Variants in ADRA1A observed in about 807,000 individuals in gnomAD.
ADRA1A encodes alpha-1A adrenergic receptor.
A neutral mutation model predicts 29.6 loss-of-function variants in ADRA1A; 31 were observed. The ratio of observed to expected loss-of-function variants is 1.05; its 90% CI spans 0.79 to 1.41. ADRA1A has a LOEUF of 1.41. Ranked by LOEUF, ADRA1A falls within the 40% of genes most tolerant of loss-of-function variation. The probability of loss-of-function intolerance (pLI) is 0.00; values close to 1 mark genes in which losing one functional copy is unlikely to be tolerated. For missense variants in ADRA1A, 619 were observed against 601.1 expected (o/e 1.03, Z -0.31); for synonymous variants, 311 against 254.3 (o/e 1.22, Z -2.12).
chr8:26,832,282 A>G (rs778620773), intron 2 of ADRA1A, among the ~76,000 whole-genome samples: 5 of 152,178 alleles, frequency 3.3e-5, no homozygotes, highest in Admixed American at 6.5e-5. Flanking sequence ...ACCTGGCAAC[A>G]TCGTTAAAAT....
At chr8:26,791,957 T>A (rs931861750) in intron 2 of ADRA1A, among the ~76,000 whole-genome samples, 8 of 152,200 alleles carry the variant, frequency 5.3e-5, no homozygotes, top group Admixed American at 5.2e-4. Flanking sequence ...ATTTCTTTAA[T>A]GGCTCTTGTC....
downstream of ADRA1A, among the ~76,000 whole-genome samples, chr8:26,760,894 A>T (rs1805473166): frequency 6.6e-6 from 1 of 152,194 alleles, no homozygotes; most frequent in Non-Finnish European, 1.5e-5. Context: ...AGGGTCATCA[A>T]CTTGAGCCTT....
chr8:26,799,489 T>C (rs1456534128), intron 2 of ADRA1A, among the ~76,000 whole-genome samples: 1 of 152,230 alleles, frequency 6.6e-6, no homozygotes, highest in East Asian at 1.9e-4. Flanking sequence ...TTTGAATCTG[T>C]GGTCAAATAT....
At position 26,860,011 on chromosome 8, in the gene ADRA1A, G is replaced by T. The variant is rs1354556528; in HGVS notation, c.883+4076C>A. On this transcript the variant is annotated intron_variant, in intron 2 of 2. Coordinates refer to ENST00000380573, the MANE Select transcript of ADRA1A (RefSeq NM_000680.4). The surrounding 1 kb of genome is among the most constrained non-coding windows in gnomAD (Gnocchi z 4.7). ...TCGAACTCCTGACCTCAAGTGATCC[G>T]CCTGCTCAGCCTCCCAAAGTGCTGG... is the stretch of plus-strand genomic sequence containing the variant. Among the ~76,000 whole-genome samples the T allele has an allele frequency of 1.3e-5, 2 of 151,858 alleles. No individual in the cohort carries two copies. Among genetic ancestry groups the T allele is most frequent in the Non-Finnish European group, 2.9e-5 (2 of 67,950 alleles).
chr8:26,756,910 A>G, intron 2 of ADRA1A: 8 of 1,408,942 alleles, frequency 5.7e-6, no homozygotes, highest in Non-Finnish European at 7.6e-6. Context: ...CAATGTGTCC[A>G]TTTTTCCAAG....
chr8:26,775,266 G>A lies in ADRA1A; in HGVS notation c.884-4600C>T, dbSNP rs192935510. ...TCTTGCCATGGTTCTTCTTCACAGT[G>A]TGGCTTGGTTTTCTTTTCTGCGTGA... is the stretch of plus-strand genomic sequence containing the variant. On this transcript the variant is annotated intron_variant, in intron 2 of 2. Coordinates refer to ENST00000380573, the MANE Select transcript of ADRA1A (RefSeq NM_000680.4). The surrounding 1 kb of genome is among the most constrained non-coding windows in gnomAD (Gnocchi z 4.1). Among the ~76,000 whole-genome samples, 59 of 152,292 alleles carry A rather than the reference G, an allele frequency of 3.9e-4. No homozygotes were observed. Among genetic ancestry groups the A allele is most frequent in the African/African-American group, 1.2e-3 (50 of 41,576 alleles).
Position 26,825,536 on chromosome 8 carries a change from T to C in ADRA1A, c.883+38551A>G, listed in dbSNP as rs933523754. On this transcript the variant is annotated intron_variant, in intron 2 of 2. Transcript: ENST00000380573. This position sits in a 1 kb window ranked among gnomAD's most constrained non-coding sequence, Gnocchi z 5.7. ...GCCATATTACCCCAACTTCTAGTTGTCAGCTATCCTTGTCAAAATTTCCTA... is the reference window on the plus strand; with the variant it reads ...GCCATATTACCCCAACTTCTAGTTGCCAGCTATCCTTGTCAAAATTTCCTA... 1.2e-4 allele frequency among the ~76,000 whole-genome samples: 18 copies of C among 152,322 alleles called. No homozygotes were observed. The highest frequency in any genetic ancestry group is 4.3e-4 in the African/African-American group (18 of 41,582).
chr8:26,864,065 G>A lies in ADRA1A; in HGVS notation c.883+22C>T. The stretch of plus-strand genomic sequence containing the variant: ...AGGGTGAAGACCCCCAGATGCTAAA[G>A]TGAGGGGTGTTCAAGACTTACCAAT... On this transcript the variant is annotated intron_variant, in intron 2 of 2. Transcript: ENST00000380573. This position sits in a 1 kb window ranked among gnomAD's most constrained non-coding sequence, Gnocchi z 8.1. 6.3e-7 allele frequency: 1 copy of A among 1,599,092 alleles called. No homozygotes were observed.
intron 2 of ADRA1A, among the ~76,000 whole-genome samples, chr8:26,850,012 T>C (rs1202359926): frequency 3.9e-5 from 1 of 25,908 alleles, no homozygotes; most frequent in Non-Finnish European, 8.6e-5. Flanking sequence ...AAGTGACTAA[T>C]GAGAGAGAAA....
rs752120868 is a variant in ADRA1A at position 26,864,814 on chromosome 8, G to C, written c.156C>G (p.Ala52=). Residue 52 remains alanine, a synonymous_variant, in exon 2 of 3, where the codon GCC becomes GCG. Coordinates refer to ENST00000380573, the MANE Select transcript of ADRA1A (RefSeq NM_000680.4). The surrounding 1 kb of genome is among the most constrained non-coding windows in gnomAD (Gnocchi z 8.1). ...TGACTGAGTGCAGGTGTCGGTGACAGGCTACGGAGAGGATCACTAGGATGT... is the reference window on the plus strand; with the variant it reads ...TGACTGAGTGCAGGTGTCGGTGACACGCTACGGAGAGGATCACTAGGATGT... ...LGNILVILSV[A]CHRHLHSVTH... The C allele has an allele frequency of 1.6e-5, 26 of 1,614,176 alleles. No individual in the cohort carries two copies. Among genetic ancestry groups the C allele is most frequent in the Non-Finnish European group, 2.0e-5 (24 of 1,180,034 alleles).
chr8:26,756,536 A>T (rs1164265977), exon 3 of ADRA1A: 1 of 1,539,248 alleles, frequency 6.5e-7, no homozygotes, highest in African/African-American at 1.4e-5. Flanking sequence ...TGCATTCATG[A>T]TCATTCCTTA....
Position 26,831,371 on chromosome 8 carries a change from A to G in ADRA1A, c.883+32716T>C, listed in dbSNP as rs368258420. On this transcript the variant is annotated intron_variant, in intron 2 of 2. Coordinates refer to ENST00000380573, the MANE Select transcript of ADRA1A (RefSeq NM_000680.4). This position sits in a 1 kb window ranked among gnomAD's most constrained non-coding sequence, Gnocchi z 5.2. The stretch of plus-strand genomic sequence containing the variant: ...AGATGCCAATGATGACGAGGCAGAG[A>G]GAGAGAGAGAAGGAGAGAGAGAAAG... Among the ~76,000 whole-genome samples, 2 of 152,116 alleles carry G rather than the reference A, an allele frequency of 1.3e-5. No homozygotes were observed. Among genetic ancestry groups the G allele is most frequent in the South Asian group, 4.2e-4 (2 of 4,818 alleles).
chr8:26,776,526 C>T (rs1563243714), intron 2 of ADRA1A, among the ~76,000 whole-genome samples: 3 of 152,158 alleles, frequency 2.0e-5, no homozygotes, highest in South Asian at 2.1e-4. Context: ...GCTGAAGACG[C>T]GAGTAGTTCC....
chr8:26,752,126 T>C (rs1804947946), downstream of ADRA1A, among the ~76,000 whole-genome samples: 1 of 152,130 alleles, frequency 6.6e-6, no homozygotes. Context: ...AATCACTAGA[T>C]AGGATTCAAA....
intron 2 of ADRA1A, among the ~76,000 whole-genome samples, chr8:26,772,686 A>G (rs1806260593): frequency 1.3e-5 from 2 of 152,092 alleles, no homozygotes; most frequent in South Asian, 2.1e-4. Flanking sequence ...TGGTGCTATT[A>G]AAATCCACTC....
downstream of ADRA1A, chr8:26,765,887 C>T: frequency 2.1e-6 from 3 of 1,419,508 alleles, no homozygotes; most frequent in East Asian, 5.0e-5. Flanking sequence ...GCAAATAGTT[C>T]CTAAAATGTT....
chr8:26,789,040 C>T (rs1052126377), intron 2 of ADRA1A, among the ~76,000 whole-genome samples: 7 of 152,278 alleles, frequency 4.6e-5, no homozygotes, highest in Non-Finnish European at 7.4e-5. Context: ...TGCACCAACA[C>T]GTCATCCAGG....
chr8:26,768,810 G>T lies in ADRA1A; in HGVS notation c.*1339C>A. 1.4e-6 allele frequency: 1 copy of T among 729,328 alleles called. No individual in the cohort carries two copies. Among genetic ancestry groups the T allele is most frequent in the Non-Finnish European group, 1.7e-6 (1 of 596,722 alleles). The allele number at this position is 729,328 out of a possible 1,614,324, so 45.2% of individuals were successfully genotyped here. ...TTCAGAAAAGAGATACACAAGTTCTGTACTGAGTTATTATGGTTTACCAAA... is the reference window on the plus strand; with the variant it reads ...TTCAGAAAAGAGATACACAAGTTCTTTACTGAGTTATTATGGTTTACCAAA... On this transcript the variant is annotated 3_prime_UTR_variant, in exon 3 of 3. Coordinates refer to ENST00000380573, the MANE Select transcript of ADRA1A (RefSeq NM_000680.4).
chr8:26,809,377 G>T (rs1309192704), intron 2 of ADRA1A, among the ~76,000 whole-genome samples: 1 of 151,976 alleles, frequency 6.6e-6, no homozygotes, highest in African/African-American at 2.4e-5. Flanking sequence ...TGAAACCACC[G>T]AGGCCCAAAA....
Sources: gnomAD v4.1 joint callset for allele counts (sites outside exome capture counted in the v4.1 genomes callset) on GRCh38, gnomAD v4.1.1 for gene constraint, Gnocchi (gnomAD v3.1) non-coding constraint, MANE v1.5 for transcripts, NCBI Gene and HGNC (gene_info 2026-07-23, HGNC 2026-07-21) for gene names.